CFAP54: variants seen among roughly 807,000 people sequenced by gnomAD.
CFAP54 encodes cilia- and flagella-associated protein 54.
CFAP54 carries 290 observed loss-of-function variants against 370.4 expected under a neutral mutation model. The ratio of observed to expected loss-of-function variants is 0.78; its 90% CI spans 0.71 to 0.86. The LOEUF is 0.86. Among genes scored for constraint, CFAP54 ranks in the 40% least tolerant of loss-of-function variants. The probability of loss-of-function intolerance (pLI) is 0.00; values close to 1 mark genes in which losing one functional copy is unlikely to be tolerated. For missense variants in CFAP54, 3,399 were observed against 3,528.7 expected, an observed-to-expected ratio of 0.96 and a Z score of 0.93; for synonymous variants, 1,206 against 1,236.5, an observed-to-expected ratio of 0.98 and a Z score of 0.52.
intron 42 of CFAP54, among the ~76,000 whole-genome samples, chr12:96,685,532 T>G (rs1020843069): frequency 1.4e-5 from 2 of 141,928 alleles, no homozygotes; most frequent in Non-Finnish European, 3.0e-5. Flanking sequence ...ATTCAATAAC[T>G]ACTTGTTTTT....
Position 96,489,742 on chromosome 12 carries a change from T to C in CFAP54, c.133T>C (p.Ser45Pro). 1 of 1,536,002 alleles carries C rather than the reference T, an allele frequency of 6.5e-7. No homozygotes were observed. The highest frequency in any genetic ancestry group is 8.7e-7 in the Non-Finnish European group (1 of 1,146,898). Residue 45 changes from serine (S) to proline (P), a missense_variant, in exon 1 of 68, where the codon TCG becomes CCG. Coordinates refer to ENST00000524981, the MANE Select transcript of CFAP54 (RefSeq NM_001306084.2). ...PPESKGSSRS[S>P]LLQWTCPEDS... ...AGAGTCGAAGGGGAGCTCCCGGAGC[T>C]CGCTGCTTCAGTGGACCTGCCCCGA...
chr12:96,673,058 G>A (rs1428633786), intron 39 of CFAP54, among the ~76,000 whole-genome samples: 1 of 152,114 alleles, frequency 6.6e-6, no homozygotes, highest in Admixed American at 6.5e-5. Context: ...GGCGGTAGAG[G>A]CACAGACAGT....
At chr12:96,641,936 T>TGGGGGGGGGGGGGGG (rs758561828) in intron 32 of CFAP54, among the ~76,000 whole-genome samples, 1 of 85,874 alleles carries the variant, frequency 1.2e-5, no homozygotes, top group Non-Finnish European at 2.4e-5. Flanking sequence ...TGTGGGGTGG[T>TGGGGGGGGGGGGGGG]GCGGGGGGGG....
intron 62 of CFAP54, among the ~76,000 whole-genome samples, chr12:96,790,752 TA>T (rs1958683119): frequency 6.6e-6 from 1 of 152,198 alleles, no homozygotes; most frequent in Non-Finnish European, 1.5e-5. Context: ...TAATCTTGCT[TA>T]TTGTGTATTT....
At chr12:96,517,586 C>A (rs144506113) in intron 5 of CFAP54, among the ~76,000 whole-genome samples, 1 of 152,076 alleles carries the variant, frequency 6.6e-6, no homozygotes. Context: ...GAGAAAAATT[C>A]GAGGGTTTTT....
At chr12:96,675,362 G>A (rs967452401) in intron 39 of CFAP54, among the ~76,000 whole-genome samples, 4 of 152,220 alleles carry the variant, frequency 2.6e-5, no homozygotes, top group African/African-American at 9.7e-5. Context: ...GGCCATCAGA[G>A]AAGTGCAAAT....
chr12:96,522,037 G>A (rs1376370630), intron 7 of CFAP54, 51 bp from the exon 8 acceptor site: 1 of 1,523,276 alleles, frequency 6.6e-7, no homozygotes, highest in African/African-American at 1.4e-5. Flanking sequence ...CTTAGTAGTT[G>A]GGAAGTGCAT....
intron 4 of CFAP54, among the ~76,000 whole-genome samples, chr12:96,511,784 A>T (rs927577625): frequency 6.6e-6 from 1 of 152,200 alleles, no homozygotes; most frequent in Non-Finnish European, 1.5e-5. Flanking sequence ...GCGCCTGGCC[A>T]TCAGAAACTT....
At chr12:96,576,553 A>G (rs1188403794) in intron 19 of CFAP54, 32 bp from the exon 20 acceptor site, 2 of 1,405,848 alleles carry the variant, frequency 1.4e-6, no homozygotes, top group South Asian at 2.7e-5. Flanking sequence ...AGCTCTTGAC[A>G]TATATTTTTC....
At chr12:96,745,060 G>A (rs1958098060) in intron 55 of CFAP54, among the ~76,000 whole-genome samples, 1 of 152,110 alleles carries the variant, frequency 6.6e-6, no homozygotes, top group South Asian at 2.1e-4. Context: ...TGGTGTATAT[G>A]TACCACATTT....
At chr12:96,713,298 G>T (rs567483905) in intron 48 of CFAP54, among the ~76,000 whole-genome samples, 2 of 152,234 alleles carry the variant, frequency 1.3e-5, no homozygotes, top group East Asian at 3.9e-4. Context: ...TCCAGCAGTG[G>T]ATGAATGGAT....
At chr12:96,584,045 G>A (rs900417555) in intron 22 of CFAP54, among the ~76,000 whole-genome samples, 1 of 152,152 alleles carries the variant, frequency 6.6e-6, no homozygotes, top group Admixed American at 6.6e-5. Flanking sequence ...ATGGTGGCAG[G>A]TGAAGGGGAA....
intron 66 of CFAP54, among the ~76,000 whole-genome samples, chr12:96,836,672 AAT>A (rs1284455503): frequency 1.3e-5 from 2 of 152,176 alleles, no homozygotes; most frequent in African/African-American, 2.4e-5. Context: ...TAGTCTATGC[AAT>A]ATGTTTTCTT....
At chr12:96,615,313 A>G (rs1592885070) in intron 26 of CFAP54, among the ~76,000 whole-genome samples, 1 of 152,386 alleles carries the variant, frequency 6.6e-6, no homozygotes, top group East Asian at 1.9e-4. Context: ...AGCCATATGT[A>G]GAAAGCTGAA....
At chr12:96,795,545 G>A (rs1958752936) in intron 63 of CFAP54, among the ~76,000 whole-genome samples, 1 of 151,980 alleles carries the variant, frequency 6.6e-6, no homozygotes, top group Non-Finnish European at 1.5e-5. Context: ...CATCATACAG[G>A]TTGCCAGGGA....
intron 62 of CFAP54, among the ~76,000 whole-genome samples, chr12:96,790,986 A>G (rs1429936933): frequency 6.6e-6 from 1 of 152,206 alleles, no homozygotes; most frequent in African/African-American, 2.4e-5. Context: ...CTCAGAAATA[A>G]TGGGAGGGAC....
intron 26 of CFAP54, among the ~76,000 whole-genome samples, chr12:96,621,093 A>G (rs1190393192): frequency 6.6e-6 from 1 of 152,196 alleles, no homozygotes; most frequent in Admixed American, 6.5e-5. Context: ...GGAATCTGCC[A>G]AAAACAGCTT....
chr12:96,608,194 A>G (rs898331245), intron 26 of CFAP54, among the ~76,000 whole-genome samples: 2 of 152,138 alleles, frequency 1.3e-5, no homozygotes, highest in Non-Finnish European at 2.9e-5. Context: ...TCTTGAAAGA[A>G]AAATTTATTA....
intron 66 of CFAP54, among the ~76,000 whole-genome samples, chr12:96,855,545 C>T (rs754165776): frequency 7.2e-5 from 11 of 152,304 alleles, no homozygotes; most frequent in Middle Eastern, 3.4e-3. Flanking sequence ...AATAAAGGGG[C>T]TACAGGCCCC....
Sources: gnomAD v4.1 joint callset for allele counts (sites outside exome capture counted in the v4.1 genomes callset) on GRCh38, gnomAD v4.1.1 for gene constraint, MANE v1.5 for transcripts, NCBI Gene and HGNC (gene_info 2026-07-23, HGNC 2026-07-21) for gene names.